Variants in AFG2A observed in about 807,000 individuals in gnomAD.
AFG2A encodes AAA ATPase AFG2A, also known as ATPase family gene 2 protein homolog A.
chr4:123,136,437 G>A, the AFG2A span, among the ~76,000 whole-genome samples: 16 of 152,128 alleles, frequency 1.1e-4, 1 homozygote, highest in East Asian at 2.9e-3. Flanking sequence ...GGGAGGCCTA[G>A]ACGGGCGGAT....
the AFG2A span, among the ~76,000 whole-genome samples, chr4:123,013,032 G>T: frequency 7.9e-5 from 12 of 152,118 alleles, no homozygotes; most frequent in African/African-American, 2.9e-4. Flanking sequence ...GTGTCGGCGG[G>T]CTGAGTCCGA....
the AFG2A span, among the ~76,000 whole-genome samples, chr4:123,130,180 A>G: frequency 1.3e-5 from 1 of 74,492 alleles, no homozygotes; most frequent in Non-Finnish European, 4.0e-5. Context: ...GCTAATATAT[A>G]TATATTTTTT....
the AFG2A span, among the ~76,000 whole-genome samples, chr4:123,117,618 T>G: frequency 6.6e-6 from 1 of 151,870 alleles, no homozygotes; most frequent in Non-Finnish European, 1.5e-5. Context: ...ATTTTATTTT[T>G]TAAATGATTA....
the AFG2A span, among the ~76,000 whole-genome samples, chr4:123,121,255 A>T: frequency 8.9e-5 from 7 of 79,046 alleles, no homozygotes; most frequent in East Asian, 1.4e-3. Context: ...AAGTAAAAAA[A>T]AAAAATAATA....
At chr4:123,001,862 T>G in the AFG2A span, among the ~76,000 whole-genome samples, 2 of 152,056 alleles carry the variant, frequency 1.3e-5, no homozygotes, top group African/African-American at 4.8e-5. Flanking sequence ...GTATCCTTGT[T>G]AACTTTCTGT....
the AFG2A span, among the ~76,000 whole-genome samples, chr4:123,311,271 A>G: frequency 2.6e-5 from 4 of 152,180 alleles, no homozygotes; most frequent in South Asian, 8.3e-4. Flanking sequence ...ACTGATCACT[A>G]AAGCCGCTTT....
the AFG2A span, among the ~76,000 whole-genome samples, chr4:123,117,102 TA>T: frequency 1.3e-5 from 2 of 152,204 alleles, no homozygotes; most frequent in Non-Finnish European, 2.9e-5. Flanking sequence ...GTAGTTTTTA[TA>T]AACTTGTCAG....
chr4:123,188,358 G>A, the AFG2A span, among the ~76,000 whole-genome samples: 1 of 151,928 alleles, frequency 6.6e-6, no homozygotes, highest in Non-Finnish European at 1.5e-5. Context: ...TTATTTGCTT[G>A]TAAATATCTA....
the AFG2A span, among the ~76,000 whole-genome samples, chr4:122,981,160 G>C: frequency 6.6e-6 from 1 of 152,070 alleles, no homozygotes; most frequent in African/African-American, 2.4e-5. Context: ...AATCCATTTT[G>C]AACTGATTTT....
the AFG2A span, among the ~76,000 whole-genome samples, chr4:123,150,845 G>A: frequency 2.6e-4 from 39 of 151,996 alleles, no homozygotes; most frequent in Non-Finnish European, 4.3e-4. Context: ...AGCTGGAGAC[G>A]TCACACTACC....
the AFG2A span, among the ~76,000 whole-genome samples, chr4:122,995,729 T>C: frequency 6.6e-6 from 1 of 152,218 alleles, no homozygotes; most frequent in Non-Finnish European, 1.5e-5. Flanking sequence ...CTGATGGTTA[T>C]CTTGTTCTGT....
the AFG2A span, among the ~76,000 whole-genome samples, chr4:123,233,711 A>C: frequency 6.7e-6 from 1 of 149,946 alleles, no homozygotes; most frequent in Non-Finnish European, 1.5e-5. Flanking sequence ...ATTTTCATAC[A>C]TGGGTGTATG....
chr4:123,297,940 G>A, the AFG2A span, among the ~76,000 whole-genome samples: 25 of 151,992 alleles, frequency 1.6e-4, no homozygotes, highest in African/African-American at 6.0e-4. Context: ...AAAGGATAGA[G>A]GGCAGTTTTT....
the AFG2A span, among the ~76,000 whole-genome samples, chr4:123,121,287 G>A: frequency 2.0e-5 from 3 of 151,112 alleles, no homozygotes; most frequent in Admixed American, 1.3e-4. Flanking sequence ...TATAAAGTAA[G>A]TTACAGATTA....
At chr4:123,307,888 G>A in the AFG2A span, among the ~76,000 whole-genome samples, 1 of 152,176 alleles carries the variant, frequency 6.6e-6, no homozygotes, top group African/African-American at 2.4e-5. Flanking sequence ...CAATAGAATA[G>A]ACCCTATAGC....
chr4:122,966,262 C>T, the AFG2A span, among the ~76,000 whole-genome samples: 1 of 152,156 alleles, frequency 6.6e-6, no homozygotes, highest in Non-Finnish European at 1.5e-5. Context: ...GGATCTCTTA[C>T]GTTTTTATAG....
the AFG2A span, among the ~76,000 whole-genome samples, chr4:123,108,029 C>T: frequency 2.0e-5 from 3 of 152,182 alleles, no homozygotes; most frequent in African/African-American, 7.2e-5. Flanking sequence ...CTGCAGTGAG[C>T]CCCGCCCTCC....
the AFG2A span, chr4:123,102,160 GT>G: frequency 6.6e-6 from 1 of 151,140 alleles, no homozygotes; most frequent in Admixed American, 6.6e-5. Context: ...TTTGTTTTTT[GT>G]TTTCTGTTTT....
the AFG2A span, among the ~76,000 whole-genome samples, chr4:123,156,261 C>G: frequency 1.3e-5 from 2 of 151,916 alleles, no homozygotes; most frequent in Non-Finnish European, 2.9e-5. Flanking sequence ...AAAAATGGAG[C>G]AAAATCTTGA....
Sources: gnomAD v4.1 joint callset for allele counts (sites outside exome capture counted in the v4.1 genomes callset) on GRCh38, gnomAD v4.1.1 for gene constraint, MANE v1.5 for transcripts, NCBI Gene and HGNC (gene_info 2026-07-23, HGNC 2026-07-21) for gene names.